SMAD9: variants seen among roughly 807,000 people sequenced by gnomAD.
The protein encoded by SMAD9 is SMAD family member 9.
A neutral mutation model predicts 46.1 loss-of-function variants in SMAD9; 36 were observed. That is an observed-to-expected ratio of 0.78 (90% CI 0.60 to 1.03). The LOEUF is 1.03. Among genes scored for constraint, SMAD9 ranks in the 50% least tolerant of loss-of-function variants. The pLI, the probability that SMAD9 is intolerant of heterozygous loss-of-function variation, is 0.00. For synonymous variants in SMAD9, 245 were observed against 237.1 expected (o/e 1.03, Z -0.31); for missense variants, 572 against 599.8 (o/e 0.95, Z 0.48).
chr13:36,871,952 G>A (rs1031855820), intron 3 of SMAD9, among the ~76,000 whole-genome samples: 4 of 152,174 alleles, frequency 2.6e-5, no homozygotes, highest in Admixed American at 6.5e-5. Flanking sequence ...CATGCCTTTA[G>A]GAACTTGTCA....
At chr13:36,860,488 C>T (rs570371888) in intron 5 of SMAD9, among the ~76,000 whole-genome samples, 2 of 142,486 alleles carry the variant, frequency 1.4e-5, no homozygotes, top group Non-Finnish European at 3.0e-5. Context: ...CTCGCTCTGT[C>T]GCCCAGGCTG....
intron 1 of SMAD9, among the ~76,000 whole-genome samples, chr13:36,887,040 G>GCT (rs536606828): frequency 5.9e-4 from 61 of 102,538 alleles, no homozygotes; most frequent in African/African-American, 2.1e-3. Context: ...CTTTGAATGG[G>GCT]TTTTTTTTTT....
intron 5 of SMAD9, among the ~76,000 whole-genome samples, chr13:36,862,885 T>C (rs764201129): frequency 3.3e-5 from 5 of 152,166 alleles, no homozygotes; most frequent in Non-Finnish European, 7.4e-5. Flanking sequence ...TGTTTCTCTA[T>C]TGGACATACT....
At chr13:36,911,627 G>GC (rs1296862912) in intron 1 of SMAD9, among the ~76,000 whole-genome samples, 1 of 131,590 alleles carries the variant, frequency 7.6e-6, no homozygotes, top group Non-Finnish European at 1.6e-5. Flanking sequence ...GGGGGGGGGG[G>GC]GGCGGGTGGA....
At chr13:36,895,327 A>T (rs2058519307) in intron 1 of SMAD9, among the ~76,000 whole-genome samples, 2 of 152,252 alleles carry the variant, frequency 1.3e-5, no homozygotes, top group Admixed American at 1.3e-4. Context: ...CTCTGTATCG[A>T]TCTAAAGATC....
At chr13:36,871,048 G>A (rs888207854) in intron 3 of SMAD9, among the ~76,000 whole-genome samples, 1 of 152,130 alleles carries the variant, frequency 6.6e-6, no homozygotes, top group South Asian at 2.1e-4. Context: ...GTATTTTCAG[G>A]CTGCAACTGA....
In SMAD9 at chr13:36,845,720, C is replaced by CTT. The variant is rs1370170959; in HGVS notation, c.*2954_*2955dup. 6.6e-6 allele frequency: 1 copy of CTT among 151,918 alleles called. No homozygotes were observed. The highest frequency in any genetic ancestry group is 2.4e-5 in the African/African-American group (1 of 41,348). 9.4% of individuals were successfully genotyped at this position (151,918 alleles called of 1,614,324 possible). On this transcript the variant is annotated 3_prime_UTR_variant, in exon 7 of 7. Transcript: ENST00000379826. The stretch of plus-strand genomic sequence containing the variant: ...AATACTGCATTTATTTTTTGAAACT[C>CTT]TTGGTAGCAAAAGAAAAAGCTGATT...
chr13:36,896,372 A>G (rs948268796), intron 1 of SMAD9, among the ~76,000 whole-genome samples: 3 of 151,884 alleles, frequency 2.0e-5, no homozygotes, highest in Non-Finnish European at 4.4e-5. Flanking sequence ...GGCTCAAGCA[A>G]TCCACCCACC....
chr13:36,871,104 C>G (rs918325651), intron 3 of SMAD9, among the ~76,000 whole-genome samples: 1 of 152,234 alleles, frequency 6.6e-6, no homozygotes, highest in Non-Finnish European at 1.5e-5. Flanking sequence ...ACTACACCGT[C>G]TTAATCATCA....
chr13:36,853,336 A>G, intron 6 of SMAD9, 83 bp downstream of exon 6: 1 of 1,365,606 alleles, frequency 7.3e-7, no homozygotes, highest in South Asian at 1.2e-5. Context: ...TTGACCGCAC[A>G]ACTGCCTGCC....
chr13:36,867,553 C>A (rs1038988165), intron 3 of SMAD9, among the ~76,000 whole-genome samples, 170 bp from the exon 4 acceptor site: 2 of 152,172 alleles, frequency 1.3e-5, no homozygotes, highest in Non-Finnish European at 2.9e-5. Context: ...TGTGAGTACC[C>A]TACAGAAGAA....
At chr13:36,879,176 T>G in intron 2 of SMAD9, 102 bp downstream of exon 2, 1 of 1,063,980 alleles carries the variant, frequency 9.4e-7, no homozygotes, top group Non-Finnish European at 1.4e-6. Flanking sequence ...CTCTCTCTCT[T>G]TTGGGAGAGG....
intron 1 of SMAD9, among the ~76,000 whole-genome samples, chr13:36,906,282 G>A (rs1419676506): frequency 6.6e-6 from 1 of 151,956 alleles, no homozygotes; most frequent in South Asian, 2.1e-4. Flanking sequence ...TTAAAAACAG[G>A]AAATTTTAAA....
chr13:36,856,665 C>T (rs685456), intron 5 of SMAD9, among the ~76,000 whole-genome samples: 9,872 of 152,264 alleles, frequency 0.065, 636 homozygotes, highest in African/African-American at 0.16. Context: ...CTTTAAACGC[C>T]AGTGTCAGAT....
intron 5 of SMAD9, among the ~76,000 whole-genome samples, chr13:36,856,272 T>C (rs547172185): frequency 2.6e-5 from 4 of 152,210 alleles, no homozygotes; most frequent in African/African-American, 4.8e-5. Flanking sequence ...AGTCGGTATG[T>C]GAATTGAATG....
At chr13:36,867,176 G>C (rs1047447639) in intron 4 of SMAD9, 97 bp downstream of exon 4, 1 of 818,706 alleles carries the variant, frequency 1.2e-6, no homozygotes, top group Non-Finnish European at 2.1e-6. Context: ...CAGCAGGCCA[G>C]TACATTTCTG....
Position 36,879,721 on chromosome 13 carries a change from G to C in SMAD9, c.-32C>G. On this transcript the variant is annotated 5_prime_UTR_variant, in exon 2 of 7. Coordinates refer to ENST00000379826, the MANE Select transcript of SMAD9 (RefSeq NM_001127217.3). ...CCACAGCAGGCTCCGGCGCGCACGG[G>C]AACCGCACAGCCCTTCACGGCAAAG... 3.1e-6 allele frequency: 5 copies of C among 1,611,844 alleles called. No individual in the cohort carries two copies. Among genetic ancestry groups the C allele is most frequent in the Non-Finnish European group, 4.2e-6 (5 of 1,179,882 alleles).
At position 36,917,834 on chromosome 13, in the gene SMAD9, T is replaced by C. The variant is rs1449243570; in HGVS notation, c.-187+2282A>G. 2.0e-5 allele frequency among the ~76,000 whole-genome samples: 3 copies of C among 152,172 alleles called. No homozygotes were observed. The East Asian group carries it at 5.8e-4, about 29-fold the overall frequency. ...TACGGTGCTCACTTACGAAACACCA[T>C]CCCTCCAGTTTGGCAATGCATAGTG... On this transcript the variant is annotated intron_variant, in intron 1 of 6. Transcript: ENST00000379826.
chr13:36,881,192 C>T (rs1374031518), intron 1 of SMAD9, among the ~76,000 whole-genome samples: 2 of 152,190 alleles, frequency 1.3e-5, no homozygotes, highest in African/African-American at 4.8e-5. Flanking sequence ...AACTGTATTT[C>T]CTCTTCTGTG....
Sources: gnomAD v4.1 joint callset for allele counts (sites outside exome capture counted in the v4.1 genomes callset) on GRCh38, gnomAD v4.1.1 for gene constraint, MANE v1.5 for transcripts, NCBI Gene and HGNC (gene_info 2026-07-23, HGNC 2026-07-21) for gene names.